The following SEC14L4 variants were observed in gnomAD, a reference collection of about 807,000 sequenced individuals.
SEC14L4 encodes the protein SEC14-like protein 4.
In SEC14L4, 42 loss-of-function variants were observed where a neutral mutation model predicts 55.1. The ratio of observed to expected loss-of-function variants is 0.76; its 90% CI spans 0.60 to 0.99. SEC14L4 has a LOEUF of 0.99. SEC14L4 is among the 50% of genes least tolerant of loss of function. The pLI, the probability that SEC14L4 is intolerant of heterozygous loss-of-function variation, is 0.00. For synonymous variants in SEC14L4, 206 were observed against 206.8 expected (o/e 1.00, Z 0.03); for missense variants, 445 against 512.1 (o/e 0.87, Z 1.27).
At chr22:30,492,653 G>A in intron 7 of SEC14L4, 96 bp from the exon 8 acceptor site, 1 of 926,466 alleles carries the variant, frequency 1.1e-6, no homozygotes, top group Non-Finnish European at 1.8e-6. Context: ...GAGGTGGACA[G>A]ATATGGATTC....
chr22:30,492,228 G>T, intron 8 of SEC14L4, 73 bp from the exon 9 acceptor site: 1 of 1,540,628 alleles, frequency 6.5e-7, no homozygotes, highest in Non-Finnish European at 8.8e-7. Context: ...GCTGAGCTTG[G>T]TGAGGGAACC....
chr22:30,495,931 T>C lies in SEC14L4; in HGVS notation c.171A>G (p.Arg57=), dbSNP rs1298709403. 3 of 1,614,034 alleles carry C rather than the reference T, an allele frequency of 1.9e-6. No individual in the cohort carries two copies. The highest frequency in any genetic ancestry group is 1.1e-5 in the South Asian group (1 of 91,056). ...AGTAGGGATCACAGATCCTTACCCT[T>C]CGGAGCATGTCTTCGGATTTCTGCA... is the stretch of plus-strand genomic sequence containing the variant. ...FDLQKSEDML[R]RHMEFRKQQD... Residue 57 remains arginine (R), a synonymous_variant, in exon 3 of 12, where the codon CGA becomes CGG. Coordinates refer to ENST00000255858, the MANE Select transcript of SEC14L4 (RefSeq NM_174977.4).
intron 8 of SEC14L4, 131 bp downstream of exon 8, chr22:30,492,343 G>C: frequency 1.8e-6 from 2 of 1,122,542 alleles, no homozygotes; most frequent in Non-Finnish European, 2.6e-6. Context: ...TTGCCCGTGC[G>C]TGTGGAGGCT....
chr22:30,499,631 C>G (rs965222511), intron 2 of SEC14L4, among the ~76,000 whole-genome samples: 1 of 151,316 alleles, frequency 6.6e-6, no homozygotes, highest in African/African-American at 2.4e-5. Context: ...CCCAGCTAGT[C>G]AGGAGGCTGA....
At chr22:30,505,520 G>A in intron 1 of SEC14L4, 38 bp downstream of exon 1, 2 of 1,546,000 alleles carry the variant, frequency 1.3e-6, no homozygotes, top group East Asian at 2.4e-5. Flanking sequence ...GCTGCTCAGG[G>A]CCCCTCCTCA....
chr22:30,492,666 C>A lies in SEC14L4; in HGVS notation c.581-109G>T, dbSNP rs557318117. 4.3e-5 allele frequency: 35 copies of A among 813,186 alleles called. No homozygotes were observed. In the African/African-American group the frequency reaches 5.2e-4, roughly 12 times the overall value. 50.4% of individuals were successfully genotyped at this position (813,186 alleles called of 1,614,324 possible). Reference sequence around the variant, plus strand: ...AGGAGGTGGACAGATATGGATTCTGCCACTCTCTGCTGTGTGACCTTCAGC... The same window carrying A: ...AGGAGGTGGACAGATATGGATTCTGACACTCTCTGCTGTGTGACCTTCAGC... On this transcript the variant is annotated intron_variant, in intron 7 of 11. Transcript: ENST00000255858.
intron 7 of SEC14L4, 101 bp from the exon 8 acceptor site, chr22:30,492,658 G>T: frequency 1.1e-6 from 1 of 874,680 alleles, no homozygotes; most frequent in Non-Finnish European, 1.9e-6. Flanking sequence ...GGACAGATAT[G>T]GATTCTGCCA....
In SEC14L4 at chr22:30,505,594, C is replaced by T. The variant is rs1380050708; in HGVS notation, c.18G>A (p.Gly6=). MSSRV[G]DLSPQQQEAL... is the part of the protein sequence containing the mutation. ...CTTCCTGCTGCTGGGGGCTCAGGTC[C>T]CCGACTCGGCTGCTCATGGTGCCCG... The change falls in exon 1 of 12, where the codon GGG becomes GGA. Residue 6 remains glycine, a synonymous_variant. Coordinates refer to ENST00000255858, the MANE Select transcript of SEC14L4 (RefSeq NM_174977.4). 1.3e-6 allele frequency: 2 copies of T among 1,567,300 alleles called. No individual in the cohort carries two copies. The highest frequency in any genetic ancestry group is 1.7e-6 in the Non-Finnish European group (2 of 1,160,202).
At chr22:30,493,099 A>G (rs1291991556) in intron 7 of SEC14L4, among the ~76,000 whole-genome samples, 1 of 151,776 alleles carries the variant, frequency 6.6e-6, no homozygotes, top group Admixed American at 6.6e-5. Flanking sequence ...AAAAAAAAAA[A>G]AAGAAAAGAA....
rs531954470 is a variant in SEC14L4, at chr22:30,500,754, A to ATTTTTTTTTTT, written c.130+2912_130+2922dup. On this transcript the variant is annotated intron_variant, in intron 2 of 11. Transcript: ENST00000255858. ...AATGCTCATGGGATATGAGAACAGA[A>ATTTTTTTTTTT]TTTTTTTTTTTTTTTTTTTTTTTTT... 1.1e-3 allele frequency among the ~76,000 whole-genome samples: 85 copies of ATTTTTTTTTTT among 79,502 alleles called. 4 individuals are homozygous for ATTTTTTTTTTT. Among genetic ancestry groups the ATTTTTTTTTTT allele is most frequent in the Non-Finnish European group, 1.1e-3 (49 of 42,812 alleles). The allele number at this position is 79,502 out of a possible 152,430, so 52.2% of individuals were successfully genotyped here. A position where few individuals can be genotyped will look rare whatever the true frequency, so the allele number is the denominator to read the frequency against.
intron 2 of SEC14L4, among the ~76,000 whole-genome samples, chr22:30,497,882 C>T (rs1422475489): frequency 6.6e-6 from 1 of 152,190 alleles, no homozygotes; most frequent in Non-Finnish European, 1.5e-5. Context: ...ATGGTAGCCG[C>T]TAGCTGCCTG....
rs376443664 is a variant in SEC14L4 at position 30,495,644 on chromosome 22, T to G, written c.175-2A>C. The G allele has an allele frequency of 2.5e-6, 4 of 1,613,938 alleles. No homozygotes were observed. Among genetic ancestry groups the G allele is most frequent in the Non-Finnish European group, 3.4e-6 (4 of 1,180,040 alleles). On this transcript the variant is annotated splice_acceptor_variant, in intron 3 of 11. Coordinates refer to ENST00000255858, the MANE Select transcript of SEC14L4 (RefSeq NM_174977.4). LOFTEE classifies it high-confidence loss of function. ...TTGTTGCTTCCGGAACTCCATGTGC[T>G]GCAGGAACACAGCAGGAGCTATAGG...
chr22:30,500,537 T>A (rs1936285413), intron 2 of SEC14L4, among the ~76,000 whole-genome samples: 1 of 151,808 alleles, frequency 6.6e-6, no homozygotes, highest in African/African-American at 2.4e-5. Flanking sequence ...CGGCTTATTT[T>A]TGAATTTTTT....
intron 1 of SEC14L4, among the ~76,000 whole-genome samples, chr22:30,504,599 G>C (rs945002522): frequency 6.6e-6 from 1 of 152,138 alleles, no homozygotes; most frequent in Non-Finnish European, 1.5e-5. Flanking sequence ...AGATATATGT[G>C]AGCACTCAGC....
intron 1 of SEC14L4, 63 bp from the exon 2 acceptor site, chr22:30,503,815 C>A: frequency 7.8e-7 from 1 of 1,279,644 alleles, no homozygotes; most frequent in Non-Finnish European, 1.1e-6. Context: ...ACCAACCCCG[C>A]CCCTAACCCT....
At chr22:30,490,382 G>A in intron 11 of SEC14L4, 136 bp from the exon 12 acceptor site, 1 of 1,429,634 alleles carries the variant, frequency 7.0e-7, no homozygotes, top group Non-Finnish European at 9.4e-7. Flanking sequence ...TGGAACCCTT[G>A]GAAATGAGCT....
intron 3 of SEC14L4, 40 bp downstream of exon 3, chr22:30,495,888 G>A: frequency 6.2e-7 from 1 of 1,605,816 alleles, no homozygotes; most frequent in Non-Finnish European, 8.5e-7. Flanking sequence ...CTGGGTCACA[G>A]TGCATGGAAG....
intron 2 of SEC14L4, among the ~76,000 whole-genome samples, chr22:30,500,469 C>A (rs1936283075): frequency 6.6e-6 from 1 of 152,048 alleles, no homozygotes; most frequent in South Asian, 2.1e-4. Context: ...TTGAGACAAG[C>A]CATCCTCCTA....
chr22:30,503,319 C>A (rs1936389319), intron 2 of SEC14L4, among the ~76,000 whole-genome samples: 1 of 151,314 alleles, frequency 6.6e-6, no homozygotes, highest in African/African-American at 2.4e-5. Flanking sequence ...GGCTGGAGTG[C>A]AATGGCGGGA....
Sources: allele counts gnomAD v4.1 joint callset (sites outside exome capture counted in the v4.1 genomes callset), GRCh38; gene constraint gnomAD v4.1.1; transcripts MANE v1.5; gene names NCBI Gene and HGNC (gene_info 2026-07-23, HGNC 2026-07-21).